Variants in UBAP1L observed in about 807,000 individuals in gnomAD.
UBAP1L encodes ubiquitin associated protein 1 like, also known as ubiquitin-associated protein 1-like.
A neutral mutation model predicts 32.1 loss-of-function variants in UBAP1L; 32 were observed. The ratio of observed to expected loss-of-function variants is 1.00; its 90% CI spans 0.75 to 1.34. The LOEUF is 1.34. Among genes scored for constraint, UBAP1L ranks in the 40% most tolerant of loss-of-function variants. UBAP1L has a pLI of 0.00. For missense variants in UBAP1L, 516 were observed against 540.5 expected (o/e 0.95, Z 0.45); for synonymous variants, 243 against 250.2 (o/e 0.97, Z 0.27).
chr15:65,105,947 C>T (rs1209824718), intron 2 of UBAP1L, 149 bp downstream of exon 2: 8 of 1,143,492 alleles, frequency 7.0e-6, no homozygotes, highest in Non-Finnish European at 1.0e-5. Context: ...CGCGTCACCA[C>T]ACCCAGCTAA....
intron 1 of UBAP1L, among the ~76,000 whole-genome samples, chr15:65,109,201 T>C (rs1169920032): frequency 1.4e-5 from 2 of 148,080 alleles, no homozygotes; most frequent in East Asian, 4.0e-4. Flanking sequence ...GAACTTCCAT[T>C]TGGCCGGGCG....
rs2087156691 is a variant in UBAP1L at position 65,094,836 on chromosome 15, G to A, written c.910-260C>T. ...GGACTCCAGGAAAAGGGCTGTCAGG[G>A]TGGGCTAGGGTGTTCATAGAACCTA... On this transcript the variant is annotated intron_variant, in intron 4 of 5. Coordinates refer to ENST00000559089, the MANE Select transcript of UBAP1L (RefSeq NM_001163692.2). This position sits in a 1 kb window ranked among gnomAD's most constrained non-coding sequence, Gnocchi z 4.2. 9.5e-6 allele frequency: 5 copies of A among 524,452 alleles called. No homozygotes were observed. The highest frequency in any genetic ancestry group is 6.7e-5 in the East Asian group (2 of 29,900). The allele number at this position is 524,452 out of a possible 1,614,324, so 32.5% of individuals were successfully genotyped here.
At chr15:65,114,004 A>G (rs1478139212) in intron 1 of UBAP1L, among the ~76,000 whole-genome samples, 1 of 151,972 alleles carries the variant, frequency 6.6e-6, no homozygotes, top group Non-Finnish European at 1.5e-5. Flanking sequence ...CTCCTGCCTC[A>G]GCCTCCCGAG....
chr15:65,098,845 T>C (rs1271413400), intron 4 of UBAP1L: 2 of 152,200 alleles, frequency 1.3e-5, no homozygotes, highest in Non-Finnish European at 2.9e-5. Flanking sequence ...CTCATGCCAC[T>C]AAGTTTCGGG....
At position 65,106,300 on chromosome 15, in the gene UBAP1L, C is replaced by T; in HGVS notation, c.-85G>A. 7.2e-7 allele frequency: 1 copy of T among 1,394,834 alleles called. No homozygotes were observed. Among genetic ancestry groups the T allele is most frequent in the African/African-American group, 1.7e-5 (1 of 60,514 alleles). The allele number at this position is 1,394,834 out of a possible 1,614,324, so 86.4% of individuals were successfully genotyped here. On this transcript the variant is annotated 5_prime_UTR_variant, in exon 2 of 6. Coordinates refer to ENST00000559089, the MANE Select transcript of UBAP1L (RefSeq NM_001163692.2). ...AGAGAGTCGAGTCCTGAGGACCAGG[C>T]TCAGGCCTCAAATGGCCTCACTGCT...
intron 4 of UBAP1L, chr15:65,095,728 T>A (rs148574949): frequency 6.6e-6 from 1 of 152,238 alleles, no homozygotes; most frequent in Non-Finnish European, 1.5e-5. Flanking sequence ...AGAGCTGGGA[T>A]GAAAGTGCAC....
At chr15:65,107,504 G>A (rs912975899) in intron 1 of UBAP1L, among the ~76,000 whole-genome samples, 9 of 152,068 alleles carry the variant, frequency 5.9e-5, no homozygotes, top group South Asian at 2.1e-4. Flanking sequence ...TGGGGAAGTC[G>A]AGGTGGGAGG....
At position 65,093,063 on chromosome 15, in the gene UBAP1L, C is replaced by T; in HGVS notation, c.*34G>A. On this transcript the variant is annotated 3_prime_UTR_variant, in exon 6 of 6. Transcript: ENST00000559089. ...TGGGTTGCCAGGTCTGGCATTGGGCCTAGATGCCCAGGCATCGTGGAGTGC... is the reference window on the plus strand; with the variant it reads ...TGGGTTGCCAGGTCTGGCATTGGGCTTAGATGCCCAGGCATCGTGGAGTGC... 6.5e-7 allele frequency: 1 copy of T among 1,536,360 alleles called. No individual in the cohort carries two copies. Among genetic ancestry groups the T allele is most frequent in the Non-Finnish European group, 8.7e-7 (1 of 1,143,266 alleles).
At chr15:65,101,399 T>G (rs1005219171) in intron 3 of UBAP1L, 1 of 152,220 alleles carries the variant, frequency 6.6e-6, no homozygotes, top group African/African-American at 2.4e-5. Flanking sequence ...AGGCTTAAGC[T>G]TCTGTGGTTT....
intron 1 of UBAP1L, among the ~76,000 whole-genome samples, chr15:65,114,523 T>G (rs1055556468): frequency 6.6e-6 from 1 of 152,220 alleles, no homozygotes; most frequent in Non-Finnish European, 1.5e-5. Context: ...GGCTGATAAG[T>G]ACTTTTCCTT....
Position 65,106,361 on chromosome 15 carries a change from T to G in UBAP1L, c.-146A>C. ...GTCACTTAGCTGAGCCCCAAACAGCTGGAAAGGAAAAGGTGAGGGGGCCAG... is the reference window on the plus strand; with the variant it reads ...GTCACTTAGCTGAGCCCCAAACAGCGGGAAAGGAAAAGGTGAGGGGGCCAG... On this transcript the variant is annotated 5_prime_UTR_variant, in exon 2 of 6. Coordinates refer to ENST00000559089, the MANE Select transcript of UBAP1L (RefSeq NM_001163692.2). 1 of 989,166 alleles carries G rather than the reference T, an allele frequency of 1.0e-6. No homozygotes were observed. 61.3% of individuals were successfully genotyped at this position (989,166 alleles called of 1,614,324 possible). A position where few individuals can be genotyped will look rare whatever the true frequency, so the allele number is the denominator to read the frequency against.
chr15:65,097,802 A>C (rs1450212856), intron 4 of UBAP1L: 1 of 152,088 alleles, frequency 6.6e-6, no homozygotes, highest in East Asian at 1.9e-4. Context: ...GACCAGGTGC[A>C]TTTGCCCAGC....
chr15:65,099,992 C>T (rs1283561470), intron 3 of UBAP1L: 1 of 269,620 alleles, frequency 3.7e-6, no homozygotes, highest in African/African-American at 2.2e-5. Flanking sequence ...GGCTGTAATC[C>T]CAACACTTTG....
At chr15:65,106,919 G>C (rs1467667754) in intron 1 of UBAP1L, among the ~76,000 whole-genome samples, 1 of 152,102 alleles carries the variant, frequency 6.6e-6, no homozygotes, top group Non-Finnish European at 1.5e-5. Flanking sequence ...GGGATTACAG[G>C]CGTGAGCCAC....
intron 1 of UBAP1L, among the ~76,000 whole-genome samples, chr15:65,110,864 C>CA (rs2087365311): frequency 6.6e-6 from 1 of 152,142 alleles, no homozygotes; most frequent in Admixed American, 6.5e-5. Flanking sequence ...TGGCTCAACA[C>CA]AATCTGTCAT....
intron 1 of UBAP1L, among the ~76,000 whole-genome samples, chr15:65,111,301 G>C (rs1399814245): frequency 6.6e-6 from 1 of 152,122 alleles, no homozygotes; most frequent in Non-Finnish European, 1.5e-5. Flanking sequence ...CACATTTTCA[G>C]GTATCATCTG....
chr15:65,100,461 C>T (rs1205246135), intron 3 of UBAP1L: 1 of 152,168 alleles, frequency 6.6e-6, no homozygotes, highest in African/African-American at 2.4e-5. Context: ...CCAACCAGGC[C>T]CTCCTTCTTG....
intron 4 of UBAP1L, chr15:65,099,164 TCC>T: frequency 3.6e-6 from 1 of 276,362 alleles, no homozygotes; most frequent in South Asian, 5.1e-5. Flanking sequence ...TGATGTTCCA[TCC>T]ACACACCCTT....
chr15:65,112,275 G>C (rs2087373906), intron 1 of UBAP1L, among the ~76,000 whole-genome samples: 1 of 152,184 alleles, frequency 6.6e-6, no homozygotes, highest in Non-Finnish European at 1.5e-5. Flanking sequence ...GCAGTACGAA[G>C]TAAAATTGAA....
Sources: gnomAD v4.1 joint callset for allele counts (sites outside exome capture counted in the v4.1 genomes callset) on GRCh38, gnomAD v4.1.1 for gene constraint, Gnocchi (gnomAD v3.1) non-coding constraint, MANE v1.5 for transcripts, NCBI Gene and HGNC (gene_info 2026-07-23, HGNC 2026-07-21) for gene names.